Variants in CDK14 observed in about 807,000 individuals in gnomAD.
The protein encoded by CDK14 is cyclin dependent kinase 14, also known as cyclin-dependent kinase 14.
In CDK14, 34 loss-of-function variants were observed where a neutral mutation model predicts 60.7. That is an observed-to-expected ratio of 0.56 (90% CI 0.43 to 0.75). The LOEUF is 0.75. Ranked by LOEUF, CDK14 falls within the 30% of genes least tolerant of loss-of-function variation. CDK14 has a pLI of 0.00. For synonymous variants in CDK14, 197 were observed against 203.7 expected, an observed-to-expected ratio of 0.97 and a Z score of 0.28; for missense variants, 482 against 564.1, an observed-to-expected ratio of 0.85 and a Z score of 1.47.
chr7:91,087,313 G>C (rs1174029591), intron 12 of CDK14, among the ~76,000 whole-genome samples: 1 of 152,072 alleles, frequency 6.6e-6, no homozygotes, highest in Non-Finnish European at 1.5e-5. Context: ...ACTGACCTAA[G>C]AATATACCAT....
chr7:90,788,175 A>G (rs561486093), intron 4 of CDK14, among the ~76,000 whole-genome samples: 2 of 152,214 alleles, frequency 1.3e-5, no homozygotes, highest in Admixed American at 6.5e-5. Flanking sequence ...TTTATGGGTG[A>G]GGGGAAAATA....
intron 14 of CDK14, among the ~76,000 whole-genome samples, chr7:91,182,555 T>TA (rs1802037538): frequency 6.6e-6 from 1 of 151,822 alleles, no homozygotes; most frequent in Non-Finnish European, 1.5e-5. Flanking sequence ...AACATAAAAT[T>TA]TAAAAAAATA....
chr7:91,041,683 T>A (rs1298317073), intron 10 of CDK14, among the ~76,000 whole-genome samples: 1 of 152,214 alleles, frequency 6.6e-6, no homozygotes, highest in Non-Finnish European at 1.5e-5. Flanking sequence ...CGATGTCAAC[T>A]CCCTTGATGA....
chr7:90,708,918 G>A (rs1584808229), intron 2 of CDK14, among the ~76,000 whole-genome samples: 2 of 152,094 alleles, frequency 1.3e-5, no homozygotes, highest in East Asian at 3.9e-4. Flanking sequence ...AAAAAAGAGT[G>A]GATCAACCAC....
At chr7:91,059,690 T>C (rs1481355844) in intron 11 of CDK14, among the ~76,000 whole-genome samples, 6 of 152,368 alleles carry the variant, frequency 3.9e-5, no homozygotes, top group African/African-American at 1.4e-4. Context: ...AGCAGGTTGT[T>C]CAGTTTCCAT....
intron 14 of CDK14, among the ~76,000 whole-genome samples, chr7:91,175,549 G>C (rs936873651): frequency 1.3e-5 from 2 of 152,044 alleles, no homozygotes; most frequent in African/African-American, 4.8e-5. Context: ...TCAGTGTGCT[G>C]TATTCAGGAA....
chr7:91,121,824 A>G (rs1391517719), intron 14 of CDK14, among the ~76,000 whole-genome samples: 1 of 152,178 alleles, frequency 6.6e-6, no homozygotes, highest in Non-Finnish European at 1.5e-5. Flanking sequence ...AGTCTGAGAG[A>G]GCCTTAAATA....
intron 8 of CDK14, among the ~76,000 whole-genome samples, chr7:90,940,556 C>T (rs556766770): frequency 1.7e-4 from 26 of 152,196 alleles, no homozygotes; most frequent in Non-Finnish European, 3.2e-4. Context: ...GAGGCTGAGG[C>T]AGGTGGATCA....
chr7:90,695,413 T>C (rs976782396), intron 2 of CDK14, among the ~76,000 whole-genome samples: 13 of 152,194 alleles, frequency 8.5e-5, no homozygotes, highest in Admixed American at 5.2e-4. Flanking sequence ...GGTAAGAGTA[T>C]AGAAATGACT....
At chr7:91,167,559 C>T (rs1326577037) in intron 14 of CDK14, among the ~76,000 whole-genome samples, 1 of 152,132 alleles carries the variant, frequency 6.6e-6, no homozygotes, top group African/African-American at 2.4e-5. Flanking sequence ...CAACGTGAGC[C>T]AGTCTCAGTG....
chr7:90,601,044 C>G (rs1266500048), intron 1 of CDK14, among the ~76,000 whole-genome samples: 1 of 152,204 alleles, frequency 6.6e-6, no homozygotes, highest in African/African-American at 2.4e-5. Flanking sequence ...GCGAAATTTG[C>G]TGTTGGAGAA....
At chr7:90,637,748 CATT>C (rs1268195758) in intron 2 of CDK14, among the ~76,000 whole-genome samples, 2 of 115,512 alleles carry the variant, frequency 1.7e-5, no homozygotes, top group African/African-American at 7.2e-5. Context: ...TAAAGTCTCC[CATT>C]ATTATTGTGT....
At chr7:91,023,653 A>G (rs1157407661) in intron 10 of CDK14, among the ~76,000 whole-genome samples, 2 of 152,228 alleles carry the variant, frequency 1.3e-5, no homozygotes, top group African/African-American at 4.8e-5. Flanking sequence ...ACAAAGTACT[A>G]TGCTAAGCAT....
chr7:91,103,574 CA>C (rs1799201741), intron 12 of CDK14, among the ~76,000 whole-genome samples: 4 of 152,126 alleles, frequency 2.6e-5, no homozygotes, highest in African/African-American at 7.2e-5. Flanking sequence ...CCTGGCAGGC[CA>C]GTACAGCTGT....
chr7:90,617,984 T>C (rs1404893927), intron 2 of CDK14, among the ~76,000 whole-genome samples: 1 of 152,200 alleles, frequency 6.6e-6, no homozygotes, highest in Non-Finnish European at 1.5e-5. Flanking sequence ...TCAGAACATC[T>C]TTCAATGGGT....
At chr7:91,000,087 T>G (rs982309977) in intron 10 of CDK14, among the ~76,000 whole-genome samples, 7 of 152,234 alleles carry the variant, frequency 4.6e-5, no homozygotes, top group African/African-American at 7.2e-5. Context: ...GAATTTTTTT[T>G]TATTGCTTCA....
In CDK14 at chr7:90,866,233, TACACACAC is replaced by T. The variant is rs3038210; in HGVS notation, c.639+2998_639+3005del. On this transcript the variant is annotated intron_variant, in intron 6 of 14. Transcript: ENST00000380050. ...CTTCTGAAATACACACACATACACA[TACACACAC>T]ACACACACACACACACACACACACA... Among the ~76,000 whole-genome samples the T allele has an allele frequency of 5.2e-3, 727 of 140,364 alleles. 6 individuals carry two copies. Among genetic ancestry groups the T allele is most frequent in the African/African-American group, 0.017 (639 of 38,018 alleles). 92.1% of individuals were successfully genotyped at this position (140,364 alleles called of 152,430 possible).
At chr7:90,757,208 C>CTG (rs1804100459) in intron 4 of CDK14, among the ~76,000 whole-genome samples, 2 of 86,312 alleles carry the variant, frequency 2.3e-5, no homozygotes, top group African/African-American at 4.5e-5. Context: ...GGCATTCTTC[C>CTG]AGTGTGTGTG....
chr7:91,111,223 C>G (rs1799460196), intron 12 of CDK14, among the ~76,000 whole-genome samples: 1 of 152,076 alleles, frequency 6.6e-6, no homozygotes, highest in Non-Finnish European at 1.5e-5. Flanking sequence ...CCTTCTCTAC[C>G]CAAATCCATT....
Sources: allele counts gnomAD v4.1 joint callset (sites outside exome capture counted in the v4.1 genomes callset), GRCh38; gene constraint gnomAD v4.1.1; transcripts MANE v1.5; gene names NCBI Gene and HGNC (gene_info 2026-07-23, HGNC 2026-07-21).